Variants in TSHR observed in about 807,000 individuals in gnomAD.
TSHR encodes thyrotropin receptor.
TSHR carries 51 observed loss-of-function variants against 64.1 expected under a neutral mutation model. That is an observed-to-expected ratio of 0.80 (90% confidence interval 0.64 to 1.01). TSHR has a LOEUF of 1.01. Ranked by LOEUF, TSHR falls within the 50% of genes least tolerant of loss-of-function variation. The pLI, the probability that TSHR is intolerant of heterozygous loss-of-function variation, is 0.00. For missense variants in TSHR, 877 were observed against 942.8 expected, an observed-to-expected ratio of 0.93 and a Z score of 0.91; for synonymous variants, 361 against 361.9, an observed-to-expected ratio of 1.00 and a Z score of 0.03.
In TSHR at chr14:81,143,449, GGATGTACCT is replaced by G. The variant is rs866637273; in HGVS notation, c.1393_1401del (p.Met465_Leu467del). On this transcript the variant is annotated inframe_deletion, in exon 10 of 10. Transcript: ENST00000298171. The stretch of plus-strand genomic sequence containing the variant: ...CTGGCCTTTGCGGATTTCTGCATGG[GGATGTACCT>G]GCTCCTCATCGCCTCTGTAGACCTC... 3 of 1,613,992 alleles carry G rather than the reference GGATGTACCT, an allele frequency of 1.9e-6. No individual in the cohort carries two copies. In the African/African-American group the frequency reaches 4.0e-5, roughly 22 times the overall value.
Position 81,065,330 on chromosome 14 carries a change from T to C in TSHR, c.243-2924T>C, listed in dbSNP as rs191056688. Among the ~76,000 whole-genome samples, 473 of 152,270 alleles carry C rather than the reference T, an allele frequency of 3.1e-3. 5 individuals carry two copies. Among genetic ancestry groups the C allele is most frequent in the African/African-American group, 0.011 (463 of 41,562 alleles). On this transcript the variant is annotated intron_variant, in intron 2 of 9. Coordinates refer to ENST00000298171, the MANE Select transcript of TSHR (RefSeq NM_000369.5). ...GATGGGACAGATGCAGGTAAACTAA[T>C]AGGCTTATTGGTGGGGAATTCAAGG...
intron 8 of TSHR, among the ~76,000 whole-genome samples, chr14:81,114,554 T>G (rs1221934130): frequency 6.6e-6 from 1 of 152,108 alleles, no homozygotes; most frequent in African/African-American, 2.4e-5. Flanking sequence ...CCCTGATTGC[T>G]AGCACAGCAG....
chr14:81,112,343 C>G (rs1166199417), intron 8 of TSHR, among the ~76,000 whole-genome samples: 1 of 152,208 alleles, frequency 6.6e-6, no homozygotes, highest in Non-Finnish European at 1.5e-5. Flanking sequence ...TGTAACCTCT[C>G]TGATCACTCC....
chr14:80,998,307 T>G (rs1889130432), intron 1 of TSHR, among the ~76,000 whole-genome samples: 1 of 152,094 alleles, frequency 6.6e-6, no homozygotes, highest in South Asian at 2.1e-4. Flanking sequence ...CAGATCAATA[T>G]TGTTTGAGTG....
chr14:81,033,266 T>C, intron 1 of TSHR: 2 of 475,918 alleles, frequency 4.2e-6, no homozygotes. Flanking sequence ...CTAGATCTTG[T>C]CCAAGAATAC....
At chr14:81,072,439 T>G (rs1017531924) in intron 3 of TSHR, among the ~76,000 whole-genome samples, 12 of 152,120 alleles carry the variant, frequency 7.9e-5, no homozygotes, top group African/African-American at 2.9e-4. Flanking sequence ...CATAAATAAA[T>G]GTTTTAACTC....
chr14:81,022,856 G>A (rs988142249), intron 1 of TSHR, among the ~76,000 whole-genome samples: 3 of 152,034 alleles, frequency 2.0e-5, no homozygotes, highest in African/African-American at 7.2e-5. Flanking sequence ...GCGTTTGGGA[G>A]GTGATTGGGT....
Position 81,103,845 on chromosome 14 carries a change from T to C in TSHR, c.615-4530T>C. The C allele has an allele frequency of 1.0e-6, 1 of 985,454 alleles. No individual in the cohort carries two copies. Among genetic ancestry groups the C allele is most frequent in the Non-Finnish European group, 1.2e-6 (1 of 829,920 alleles). The allele number at this position is 985,454 out of a possible 1,614,324, so 61.0% of individuals were successfully genotyped here. The stretch of plus-strand genomic sequence containing the variant: ...TATCACATTTCCTATTGTCAAACTC[T>C]AGTAACTAGCTACTATCTGACAGTA... On this transcript the variant is annotated intron_variant, in intron 7 of 9. Coordinates refer to ENST00000298171, the MANE Select transcript of TSHR (RefSeq NM_000369.5). The surrounding 1 kb of genome is among the most constrained non-coding windows in gnomAD (Gnocchi z 4.1).
chr14:81,074,917 C>A (rs1398953639), intron 3 of TSHR, among the ~76,000 whole-genome samples: 1 of 152,178 alleles, frequency 6.6e-6, no homozygotes, highest in Non-Finnish European at 1.5e-5. Context: ...GCTCTATATA[C>A]ATTCTCTGAG....
chr14:81,106,355 G>A (rs376120529), intron 7 of TSHR, among the ~76,000 whole-genome samples: 5 of 152,154 alleles, frequency 3.3e-5, no homozygotes, highest in South Asian at 2.1e-4. Flanking sequence ...TAAAGCAATC[G>A]TCTGTGTCAC....
intron 7 of TSHR, chr14:81,104,894 C>T (rs1029506698): frequency 3.0e-6 from 3 of 985,298 alleles, no homozygotes; most frequent in Non-Finnish European, 3.6e-6. Flanking sequence ...AGCTGTTGAA[C>T]ACATAGAGAT....
At chr14:81,010,671 T>C (rs72695035) in intron 1 of TSHR, among the ~76,000 whole-genome samples, 15,825 of 152,164 alleles carry the variant, frequency 0.1, 1,035 homozygotes, top group East Asian at 0.32. Context: ...TTAATTCCTA[T>C]TTTTTGTCTT....
chr14:80,994,944 G>A (rs1337933995), intron 1 of TSHR: 1 of 152,160 alleles, frequency 6.6e-6, no homozygotes, highest in Non-Finnish European at 1.5e-5. Flanking sequence ...ACTATCAACA[G>A]AGTAAACAGG....
At chr14:81,112,778 C>G (rs980188423) in intron 8 of TSHR, among the ~76,000 whole-genome samples, 1 of 152,152 alleles carries the variant, frequency 6.6e-6, no homozygotes, top group Admixed American at 6.5e-5. Flanking sequence ...AAGGGACAAG[C>G]CTGGGGACAA....
At chr14:81,089,255 T>A (rs1888537527) in intron 4 of TSHR, among the ~76,000 whole-genome samples, 1 of 152,168 alleles carries the variant, frequency 6.6e-6, no homozygotes, top group South Asian at 2.1e-4. Flanking sequence ...CCCAAAGTGC[T>A]GGGACTACAG....
intron 8 of TSHR, among the ~76,000 whole-genome samples, chr14:81,130,641 A>G (rs1891198698): frequency 6.6e-6 from 1 of 152,172 alleles, no homozygotes; most frequent in Non-Finnish European, 1.5e-5. Context: ...CCTAATGCCT[A>G]TGATACCCAA....
intron 1 of TSHR, among the ~76,000 whole-genome samples, chr14:81,017,705 A>G (rs1046923883): frequency 1.3e-5 from 2 of 152,204 alleles, no homozygotes; most frequent in African/African-American, 4.8e-5. Flanking sequence ...AGGGAAAAGT[A>G]TAAGTTAGAA....
intron 1 of TSHR, chr14:81,003,210 T>A (rs770686266): frequency 3.9e-5 from 6 of 152,248 alleles, no homozygotes; most frequent in Admixed American, 1.3e-4. Context: ...TTCATTCTAC[T>A]GCTCCGGTGA....
At chr14:81,108,569 C>T (rs756568153) in intron 8 of TSHR, 117 bp downstream of exon 8, 36 of 1,609,322 alleles carry the variant, frequency 2.2e-5, no homozygotes, top group East Asian at 1.1e-4. Flanking sequence ...GTTGCTGTCT[C>T]GGGTAAAGGC....
Sources: allele counts gnomAD v4.1 joint callset (sites outside exome capture counted in the v4.1 genomes callset), GRCh38; gene constraint gnomAD v4.1.1; non-coding constraint Gnocchi (gnomAD v3.1); transcripts MANE v1.5; gene names NCBI Gene and HGNC (gene_info 2026-07-23, HGNC 2026-07-21).